PHAX: variants seen among roughly 807,000 people sequenced by gnomAD.
PHAX encodes phosphorylated adapter RNA export protein.
In PHAX, 31 loss-of-function variants were observed where a neutral mutation model predicts 41.6. That is an observed-to-expected ratio of 0.75 (90% CI 0.56 to 1.01). PHAX has a LOEUF of 1.01. Ranked by LOEUF, PHAX falls within the 50% of genes least tolerant of loss-of-function variation. The probability of loss-of-function intolerance (pLI) is 0.00; values close to 1 mark genes in which losing one functional copy is unlikely to be tolerated. For missense variants in PHAX, 453 were observed against 472.9 expected (o/e 0.96, Z 0.39); for synonymous variants, 175 against 164.9 (o/e 1.06, Z -0.47).
intron 3 of PHAX, among the ~76,000 whole-genome samples, chr5:126,611,814 T>A (rs1468766288): frequency 2.7e-5 from 4 of 150,338 alleles, no homozygotes; most frequent in Admixed American, 2.0e-4. Context: ...AAGTGATACA[T>A]CCTATGGGAA....
chr5:126,616,707 C>T (rs1752191089), intron 3 of PHAX, among the ~76,000 whole-genome samples: 1 of 151,912 alleles, frequency 6.6e-6, no homozygotes, highest in African/African-American at 2.4e-5. Flanking sequence ...TGGCGAAACC[C>T]CGTTTCTACT....
chr5:126,602,227 G>A (rs896521450), intron 1 of PHAX, among the ~76,000 whole-genome samples: 1 of 152,356 alleles, frequency 6.6e-6, no homozygotes, highest in Admixed American at 6.5e-5. Context: ...GACTACAGGC[G>A]CGAGCCACCG....
At position 126,620,680 on chromosome 5, in the gene PHAX, A is replaced by G. The variant is rs1201802699; in HGVS notation, c.915+3347A>G. On this transcript the variant is annotated intron_variant, in intron 4 of 4. Coordinates refer to ENST00000297540, the MANE Select transcript of PHAX (RefSeq NM_032177.4). ...CAGAAACTTTGCATTATAATAACAA[A>G]AAATAGAAACACTTGGAATATCTAA... is the stretch of plus-strand genomic sequence containing the variant. Among the ~76,000 whole-genome samples the G allele has an allele frequency of 2.0e-5, 3 of 152,148 alleles. No homozygotes were observed. In the East Asian group the frequency reaches 5.8e-4, roughly 29 times the overall value.
rs1752328145 is a variant in PHAX, at chr5:126,625,092, AGTATTAC to A, written c.*249_*255del. ...CAATCTGTTGCATGTGCTAATTATG[AGTATTAC>A]TAGTTGATAATCAGTTTTGTCTAGG... On this transcript the variant is annotated 3_prime_UTR_variant, in exon 5 of 5. Coordinates refer to ENST00000297540, the MANE Select transcript of PHAX (RefSeq NM_032177.4). 2 of 427,246 alleles carry A rather than the reference AGTATTAC, an allele frequency of 4.7e-6. No homozygotes were observed. The highest frequency in any genetic ancestry group is 8.3e-6 in the Non-Finnish European group (2 of 242,124). The allele number at this position is 427,246 out of a possible 1,614,324, so 26.5% of individuals were successfully genotyped here.
At chr5:126,606,974 A>G (rs1752000024) in intron 2 of PHAX, among the ~76,000 whole-genome samples, 1 of 152,188 alleles carries the variant, frequency 6.6e-6, no homozygotes, top group Non-Finnish European at 1.5e-5. Flanking sequence ...CATTTCTTTC[A>G]GGTAAATACC....
intron 4 of PHAX, among the ~76,000 whole-genome samples, chr5:126,618,466 A>G (rs1255870358): frequency 6.6e-6 from 1 of 152,168 alleles, no homozygotes; most frequent in Admixed American, 6.6e-5. Flanking sequence ...CCTAAGAGAA[A>G]TAAAAACAAT....
In PHAX at chr5:126,603,737, T is replaced by C; in HGVS notation, c.264T>C (p.Phe88=). The C allele has an allele frequency of 1.2e-6, 2 of 1,614,160 alleles. No homozygotes were observed. The highest frequency in any genetic ancestry group is 1.7e-6 in the Non-Finnish European group (2 of 1,180,032). Residue 88 remains phenylalanine, a synonymous_variant, in exon 2 of 5, where the codon TTT becomes TTC. Transcript: ENST00000297540. ...GGAAACGCAAACGACAGAAATGTTT[T>C]AACCCTCCTCCCAAACCAGAGCCTT... The part of the protein sequence containing the change: ...CLWKRKRQKC[F]NPPPKPEPFQ...
intron 1 of PHAX, 47 bp downstream of exon 1, chr5:126,601,105 C>T (rs931327664): frequency 1.5e-5 from 22 of 1,422,838 alleles, no homozygotes; most frequent in Non-Finnish European, 2.0e-5. Flanking sequence ...CGCGCGGAGC[C>T]TGGGCCCCGG....
intron 4 of PHAX, among the ~76,000 whole-genome samples, chr5:126,618,172 T>C (rs1752217235): frequency 6.6e-6 from 1 of 152,150 alleles, no homozygotes; most frequent in Non-Finnish European, 1.5e-5. Flanking sequence ...AACTCTGGGC[T>C]CTAGTGATCC....
intron 2 of PHAX, among the ~76,000 whole-genome samples, chr5:126,607,415 T>TTTTTG (rs1752007921): frequency 9.7e-6 from 1 of 103,548 alleles, no homozygotes; most frequent in Non-Finnish European, 1.8e-5. Context: ...TTTTTTTTTT[T>TTTTTG]GAGACGGAGT....
rs1051658480 is a variant in PHAX at position 126,626,770 on chromosome 5, G to T, written c.*1926G>T. ...AAAAAAAATACAAAAAATTAGCCGG[G>T]CATTGTGGTGCATGCCTGTAATCTC... On this transcript the variant is annotated 3_prime_UTR_variant, in exon 5 of 5. Coordinates refer to ENST00000297540, the MANE Select transcript of PHAX (RefSeq NM_032177.4). 8 of 151,052 alleles carry T rather than the reference G, an allele frequency of 5.3e-5. No homozygotes were observed. The highest frequency in any genetic ancestry group is 2.0e-4 in the African/African-American group (8 of 40,928). The allele number at this position is 151,052 out of a possible 1,614,324, so 9.4% of individuals were successfully genotyped here.
At position 126,603,930 on chromosome 5, in the gene PHAX, A is replaced by T. The variant is rs777182956; in HGVS notation, c.457A>T (p.Asn153Tyr). The T allele has an allele frequency of 6.2e-7, 1 of 1,614,140 alleles. No homozygotes were observed. The highest frequency in any genetic ancestry group is 8.5e-7 in the Non-Finnish European group (1 of 1,180,030). The change falls in exon 2 of 5, where the codon AAT (asparagine) becomes TAT (tyrosine). Residue 153 changes from asparagine to tyrosine, a missense_variant. By Grantham distance (143) the Asn-to-Tyr change is moderately radical. Transcript: ENST00000297540. ...CAGAAGCAGACAATCCGAGACCTAC[A>T]ATTATTTGCTTGCCAAGAAACTTAG... ...IDRSRQSETY[N>Y]YLLAKKLRKE...
chr5:126,604,374 C>T (rs1270537995), intron 2 of PHAX, among the ~76,000 whole-genome samples, 191 bp downstream of exon 2: 3 of 142,216 alleles, frequency 2.1e-5, no homozygotes, highest in African/African-American at 8.0e-5. Context: ...AAGGGATTCT[C>T]TTACCTCAGC....
intron 4 of PHAX, among the ~76,000 whole-genome samples, chr5:126,620,738 TTTTG>T (rs138389398): frequency 0.026 from 4,023 of 152,150 alleles, 179 homozygotes; most frequent in African/African-American, 0.09. Flanking sequence ...AAGGACATTC[TTTTG>T]TTTGTTTGTT....
In PHAX at chr5:126,624,873, C is replaced by G; in HGVS notation, c.*29C>G. 3.2e-6 allele frequency: 5 copies of G among 1,563,086 alleles called. No individual in the cohort carries two copies. The highest frequency in any genetic ancestry group is 1.2e-5 in the South Asian group (1 of 83,504). ...CATTTTCAACAGTTTGAGGACTAAGCCTTTCTAAAATAACATTGTAATAAA... is the reference window on the plus strand; with the variant it reads ...CATTTTCAACAGTTTGAGGACTAAGGCTTTCTAAAATAACATTGTAATAAA... On this transcript the variant is annotated 3_prime_UTR_variant, in exon 5 of 5. Coordinates refer to ENST00000297540, the MANE Select transcript of PHAX (RefSeq NM_032177.4).
chr5:126,609,360 CA>C (rs1255037127), intron 3 of PHAX, among the ~76,000 whole-genome samples: 1 of 152,090 alleles, frequency 6.6e-6, no homozygotes, highest in East Asian at 1.9e-4. Flanking sequence ...CTCGGCCTCC[CA>C]AAGTGCTGGG....
At chr5:126,605,304 G>A (rs1331108619) in intron 2 of PHAX, among the ~76,000 whole-genome samples, 1 of 152,066 alleles carries the variant, frequency 6.6e-6, no homozygotes, top group African/African-American at 2.4e-5. Context: ...TGGGATTATA[G>A]GTGTGAGCCA....
At position 126,601,025 on chromosome 5, in the gene PHAX, G is replaced by A; in HGVS notation, c.63G>A (p.Thr21=). The A allele has an allele frequency of 6.2e-7, 1 of 1,606,884 alleles. No individual in the cohort carries two copies. The highest frequency in any genetic ancestry group is 8.5e-7 in the Non-Finnish European group (1 of 1,176,880). Residue 21 remains threonine, a synonymous_variant, in exon 1 of 5, where the codon ACG becomes ACA. Coordinates refer to ENST00000297540, the MANE Select transcript of PHAX (RefSeq NM_032177.4). ...GQLSDSDSDM[T]VAPSDRPLQL... ...TTTCCGACTCGGATTCCGACATGAC[G>A]GTCGCACCCAGCGACAGGCCGCTGC... is the stretch of plus-strand genomic sequence containing the variant.
intron 3 of PHAX, among the ~76,000 whole-genome samples, chr5:126,612,449 C>G (rs1752116919): frequency 6.6e-6 from 1 of 152,156 alleles, no homozygotes; most frequent in African/African-American, 2.4e-5. Context: ...CCTGTAATCC[C>G]ACCACTTTGG....
Sources: gnomAD v4.1 joint callset for allele counts (sites outside exome capture counted in the v4.1 genomes callset) on GRCh38, gnomAD v4.1.1 for gene constraint, MANE v1.5 for transcripts, NCBI Gene and HGNC (gene_info 2026-07-23, HGNC 2026-07-21) for gene names.